Variants in STK3 observed in about 807,000 individuals in gnomAD.
The protein encoded by STK3 is serine/threonine kinase 3, also known as serine/threonine-protein kinase 3.
Under a neutral mutation model 58.0 loss-of-function variants are expected in STK3, and 41 were observed. The ratio of observed to expected loss-of-function variants is 0.71; its 90% CI spans 0.55 to 0.92. The LOEUF (loss-of-function observed/expected upper bound fraction) is 0.92. Ranked by LOEUF, STK3 falls within the 40% of genes least tolerant of loss-of-function variation. The pLI is 0.00. For synonymous variants in STK3, 170 were observed against 191.0 expected (o/e 0.89, Z 0.91); for missense variants, 479 against 602.7 (o/e 0.79, Z 2.15).
chr8:98,696,987 TG>T (rs1240792204), intron 6 of STK3, among the ~76,000 whole-genome samples: 1 of 152,214 alleles, frequency 6.6e-6, no homozygotes, highest in Non-Finnish European at 1.5e-5. Flanking sequence ...CATCTGGTCC[TG>T]GACTCTTTTT....
intron 6 of STK3, chr8:98,598,859 AAG>A (rs1298558235): frequency 1.2e-5 from 12 of 985,338 alleles, no homozygotes; most frequent in Non-Finnish European, 1.3e-5. Context: ...ATGTTTCTAA[AAG>A]AACTACTCTG....
chr8:98,801,536 G>A (rs965224032), intron 1 of STK3, among the ~76,000 whole-genome samples: 18 of 151,932 alleles, frequency 1.2e-4, no homozygotes, highest in African/African-American at 4.4e-4. Context: ...AACCCACCGG[G>A]AGGAATGAAC....
intron 3 of STK3, among the ~76,000 whole-genome samples, chr8:98,406,292 G>T (rs989437390): frequency 1.5e-5 from 2 of 133,154 alleles, no homozygotes; most frequent in African/African-American, 6.1e-5. Context: ...TTTATTTTAT[G>T]TTATTTATTT....
rs1818195682 is a variant in STK3, at chr8:98,423,546, G to A, written n.483+10581C>T. On this transcript the variant is annotated intron_variant and non_coding_transcript_variant, in intron 3 of 3. Coordinates refer to the STK3 transcript ENST00000517832. Reference sequence around the variant, plus strand: ...TGGGAAGTCCCTGGAAGGCTTTCAGGAGGGAATGACATGACCTCGTTTGTG... The same window carrying A: ...TGGGAAGTCCCTGGAAGGCTTTCAGAAGGGAATGACATGACCTCGTTTGTG... Among the ~76,000 whole-genome samples the A allele has an allele frequency of 2.0e-5, 3 of 152,268 alleles. No individual in the cohort carries two copies. In the South Asian group the frequency reaches 6.2e-4, roughly 31 times the overall value.
chr8:98,844,524 G>C (rs1355449766), intron 3 of STK3, among the ~76,000 whole-genome samples: 2 of 152,022 alleles, frequency 1.3e-5, no homozygotes, highest in Non-Finnish European at 2.9e-5. Context: ...GAAGTGCCTT[G>C]GTGCAATCTC....
chr8:98,834,020 A>G (rs1368614388), intron 3 of STK3, among the ~76,000 whole-genome samples: 1 of 152,176 alleles, frequency 6.6e-6, no homozygotes, highest in Non-Finnish European at 1.5e-5. Context: ...TTTAAAAATT[A>G]TCAAGCCCAT....
intron 5 of STK3, 86 bp downstream of exon 5, chr8:98,707,061 C>T: frequency 2.2e-6 from 3 of 1,372,160 alleles, no homozygotes; most frequent in East Asian, 2.6e-5. Context: ...TCTTTCCATT[C>T]CCCCTCAAAA....
At chr8:98,412,566 G>C (rs1412245045) in intron 3 of STK3, among the ~76,000 whole-genome samples, 1 of 152,172 alleles carries the variant, frequency 6.6e-6, no homozygotes, top group Non-Finnish European at 1.5e-5. Flanking sequence ...AGCTACAGCA[G>C]GGCAACAATG....
chr8:98,409,404 AC>A (rs1818031478), intron 3 of STK3, among the ~76,000 whole-genome samples: 1 of 152,098 alleles, frequency 6.6e-6, no homozygotes, highest in Non-Finnish European at 1.5e-5. Context: ...TGAGGCACTG[AC>A]CCTCTGCCAT....
At chr8:98,902,275 A>G (rs1587823595) in intron 1 of STK3, among the ~76,000 whole-genome samples, 1 of 152,116 alleles carries the variant, frequency 6.6e-6, no homozygotes, top group East Asian at 1.9e-4. Flanking sequence ...CTAAATTTTT[A>G]TCTCCAGCTC....
At chr8:98,837,746 A>T (rs1030100264) in intron 3 of STK3, among the ~76,000 whole-genome samples, 19 of 152,020 alleles carry the variant, frequency 1.2e-4, no homozygotes, top group African/African-American at 4.3e-4. Context: ...TGGGCAACAT[A>T]GTGTAGACCC....
chr8:98,614,644 T>C (rs1244018852), intron 6 of STK3, among the ~76,000 whole-genome samples: 6 of 152,198 alleles, frequency 3.9e-5, no homozygotes, highest in Non-Finnish European at 8.8e-5. Context: ...TTGCCTCACC[T>C]GGGAAGCGCA....
At chr8:98,615,188 C>T (rs1817588483) in intron 6 of STK3, among the ~76,000 whole-genome samples, 1 of 151,772 alleles carries the variant, frequency 6.6e-6, no homozygotes, top group African/African-American at 2.4e-5. Context: ...GAGGCACCCC[C>T]TAGCAGGGGC....
chr8:98,344,684 G>A, the STK3 span, among the ~76,000 whole-genome samples: 1 of 151,754 alleles, frequency 6.6e-6, no homozygotes, highest in Non-Finnish European at 1.5e-5. Flanking sequence ...ACGAGGTCAG[G>A]AGATCGAGAC....
downstream of STK3, chr8:98,879,627 C>T (rs1256177378): frequency 6.6e-6 from 1 of 152,214 alleles, no homozygotes; most frequent in Non-Finnish European, 1.5e-5. Context: ...TCAATCCAAT[C>T]AGCCTTATTT....
At chr8:98,911,847 T>A (rs200634455) in intron 1 of STK3, among the ~76,000 whole-genome samples, 1 of 151,996 alleles carries the variant, frequency 6.6e-6, no homozygotes, top group Non-Finnish European at 1.5e-5. Context: ...AAATAAAAAA[T>A]AAAGCTTATT....
the STK3 span, among the ~76,000 whole-genome samples, chr8:98,348,556 T>A: frequency 1.3e-5 from 2 of 152,128 alleles, no homozygotes; most frequent in African/African-American, 4.8e-5. Flanking sequence ...CACCAAGAAT[T>A]TTAAAACTGA....
At chr8:98,584,566 C>T (rs1228307253) in intron 7 of STK3, among the ~76,000 whole-genome samples, 2 of 150,558 alleles carry the variant, frequency 1.3e-5, no homozygotes, top group Non-Finnish European at 3.0e-5. Flanking sequence ...CATACGTGTG[C>T]ATGTGTCTTT....
intron 2 of STK3, among the ~76,000 whole-genome samples, chr8:98,773,655 C>T (rs1260909997): frequency 2.0e-5 from 3 of 152,132 alleles, no homozygotes; most frequent in East Asian, 3.9e-4. Flanking sequence ...CTCCTATAAA[C>T]AGAATATAGG....
Sources: gnomAD v4.1 joint callset for allele counts (sites outside exome capture counted in the v4.1 genomes callset) on GRCh38, gnomAD v4.1.1 for gene constraint, MANE v1.5 for transcripts, NCBI Gene and HGNC (gene_info 2026-07-23, HGNC 2026-07-21) for gene names.